The following SESTD1 variants were observed in gnomAD, a reference collection of about 807,000 sequenced individuals.
SESTD1 encodes SEC14 and spectrin domain containing 1, also known as SEC14 domain and spectrin repeat-containing protein 1.
A neutral mutation model predicts 101.7 loss-of-function variants in SESTD1; 43 were observed. The observed-to-expected ratio is 0.42, with a 90% CI of 0.33 to 0.55. The LOEUF (loss-of-function observed/expected upper bound fraction) is 0.55, where lower values mean the gene tolerates loss of function less well. Among genes scored for constraint, SESTD1 ranks in the 20% least tolerant of loss-of-function variants. SESTD1 has a pLI of 0.07. For missense variants in SESTD1, 647 were observed against 815.1 expected (o/e 0.79, Z 2.51); for synonymous variants, 283 against 286.8 (o/e 0.99, Z 0.13).
chr2:179,227,203 G>T (rs1166881418), intron 1 of SESTD1, among the ~76,000 whole-genome samples: 3 of 152,022 alleles, frequency 2.0e-5, no homozygotes, highest in African/African-American at 7.2e-5. Flanking sequence ...TCAAAACTTG[G>T]AAAAAGTCAC....
chr2:179,107,832 T>C lies in SESTD1; in HGVS notation c.*2067A>G, dbSNP rs961913891. On this transcript the variant is annotated 3_prime_UTR_variant, in exon 18 of 18. Coordinates refer to ENST00000428443, the MANE Select transcript of SESTD1 (RefSeq NM_178123.5). The stretch of plus-strand genomic sequence containing the variant: ...AGACATAAACAACTGTAGAATGTGA[T>C]AGCACCATCATGAAGACTGAAATAA... 2.6e-5 allele frequency: 4 copies of C among 151,946 alleles called. No homozygotes were observed. Among genetic ancestry groups the C allele is most frequent in the Admixed American group, 6.5e-5 (1 of 15,268 alleles). The allele number at this position is 151,946 out of a possible 1,614,324, so 9.4% of individuals were successfully genotyped here.
At chr2:179,111,187 T>TTA (rs1559093905) in intron 17 of SESTD1, among the ~76,000 whole-genome samples, 1 of 152,250 alleles carries the variant, frequency 6.6e-6, no homozygotes, top group East Asian at 1.9e-4. Flanking sequence ...TTATTGCAGA[T>TTA]GTGTAATACA....
At chr2:179,128,214 T>C (rs977293715) in intron 10 of SESTD1, among the ~76,000 whole-genome samples, 2 of 152,178 alleles carry the variant, frequency 1.3e-5, no homozygotes, top group African/African-American at 2.4e-5. Context: ...ATTTCCTGGT[T>C]TGAATTTGTA....
At chr2:179,159,335 A>G (rs944863821) in intron 5 of SESTD1, among the ~76,000 whole-genome samples, 2 of 152,236 alleles carry the variant, frequency 1.3e-5, no homozygotes, top group African/African-American at 4.8e-5. Flanking sequence ...CCCAGAGGAC[A>G]AACCAAGTTT....
rs1389349241 is a variant in SESTD1, at chr2:179,121,714, AT to A, written c.1442+55del. 4.9e-6 allele frequency: 7 copies of A among 1,429,386 alleles called. No homozygotes were observed. The African/African-American group carries it at 8.8e-5, about 18-fold the overall frequency. 88.5% of individuals were successfully genotyped at this position (1,429,386 alleles called of 1,614,324 possible). A position where few individuals can be genotyped will look rare whatever the true frequency, so the allele number is the denominator to read the frequency against. On this transcript the variant is annotated intron_variant, in intron 13 of 17. Transcript: ENST00000428443. The stretch of plus-strand genomic sequence containing the variant: ...TGTATATAAAATGTTATATAACTTC[AT>A]TTTAACTAATATTGTTATTATTTTA...
At chr2:179,136,376 A>G (rs1575434642) in intron 9 of SESTD1, among the ~76,000 whole-genome samples, 3 of 152,322 alleles carry the variant, frequency 2.0e-5, no homozygotes, top group South Asian at 2.1e-4. Flanking sequence ...GCATTTTACA[A>G]TAACAACCCT....
intron 1 of SESTD1, among the ~76,000 whole-genome samples, chr2:179,218,327 T>G (rs1220445429): frequency 2.6e-5 from 4 of 151,956 alleles, no homozygotes; most frequent in African/African-American, 9.7e-5. Flanking sequence ...TAAAGCAGGC[T>G]AAGAAATGAA....
chr2:179,156,308 T>C (rs1332055282), intron 5 of SESTD1, among the ~76,000 whole-genome samples: 2 of 152,192 alleles, frequency 1.3e-5, no homozygotes, highest in African/African-American at 2.4e-5. Flanking sequence ...TGTTCAAGTA[T>C]CTTTTTCGTA....
intron 1 of SESTD1, among the ~76,000 whole-genome samples, chr2:179,245,770 T>C (rs1267883715): frequency 6.6e-6 from 1 of 151,388 alleles, no homozygotes; most frequent in East Asian, 1.9e-4. Context: ...GAACAGAAAA[T>C]AAAATGGCAG....
In SESTD1 at chr2:179,154,080, C is replaced by CAAA. The variant is rs748598701; in HGVS notation, c.370-2692_370-2690dup. On this transcript the variant is annotated intron_variant, in intron 5 of 17. Transcript: ENST00000428443. ...GTAATGTAAGAAAACCCAATCTCTA[C>CAAA]AAAAAAAAAAAAAAAAAAGGTGTGT... Among the ~76,000 whole-genome samples the CAAA allele has an allele frequency of 2.4e-3, 146 of 60,740 alleles. 2 individuals are homozygous for CAAA. Among genetic ancestry groups the CAAA allele is most frequent in the African/African-American group, 5.7e-3 (139 of 24,258 alleles). The allele number at this position is 60,740 out of a possible 152,430, so 39.8% of individuals were successfully genotyped here. A position where few individuals can be genotyped will look rare whatever the true frequency, so the allele number is the denominator to read the frequency against.
chr2:179,150,384 T>C (rs951081700), intron 6 of SESTD1, among the ~76,000 whole-genome samples: 1 of 152,086 alleles, frequency 6.6e-6, no homozygotes, highest in Non-Finnish European at 1.5e-5. Context: ...GAGTTGCAGA[T>C]TTCAGAAGTC....
At chr2:179,193,154 GA>G (rs58092815) in intron 1 of SESTD1, among the ~76,000 whole-genome samples, 176 of 150,054 alleles carry the variant, frequency 1.2e-3, no homozygotes, top group Admixed American at 4.4e-3. Context: ...AGATGTTGAG[GA>G]AAAAAAAAGA....
At chr2:179,139,499 T>G (rs1166383682) in intron 9 of SESTD1, among the ~76,000 whole-genome samples, 1 of 152,256 alleles carries the variant, frequency 6.6e-6, no homozygotes, top group Admixed American at 6.5e-5. Context: ...TTTCACCTGC[T>G]TCCTCATAGT....
intron 2 of SESTD1, among the ~76,000 whole-genome samples, chr2:179,191,153 T>C (rs577071639): frequency 3.9e-5 from 6 of 152,270 alleles, no homozygotes; most frequent in East Asian, 3.9e-4. Flanking sequence ...CTATTTATAA[T>C]AGCAAAGACA....
Position 179,207,559 on chromosome 2 carries a change from A to T in SESTD1, c.-25-15693T>A, listed in dbSNP as rs1236604684. On this transcript the variant is annotated intron_variant, in intron 1 of 17. Transcript: ENST00000428443. ...GAGACCTAAAGACAGATGACATCAC[A>T]GGACTCTTTGCAGACATTCCCCAGC... is the stretch of plus-strand genomic sequence containing the variant. 3.0e-5 allele frequency among the ~76,000 whole-genome samples: 4 copies of T among 135,136 alleles called. 2 individuals carry two copies. The highest frequency in any genetic ancestry group is 6.4e-5 in the Non-Finnish European group (4 of 62,792). The allele number at this position is 135,136 out of a possible 152,430, so 88.7% of individuals were successfully genotyped here.
chr2:179,192,161 T>C (rs1256455305), intron 1 of SESTD1, among the ~76,000 whole-genome samples: 1 of 152,178 alleles, frequency 6.6e-6, no homozygotes, highest in Non-Finnish European at 1.5e-5. Context: ...TGGTTGAGAA[T>C]CACTGGCTTA....
chr2:179,124,199 T>C (rs1373353119), intron 11 of SESTD1, among the ~76,000 whole-genome samples, 165 bp downstream of exon 11: 1 of 152,188 alleles, frequency 6.6e-6, no homozygotes, highest in Non-Finnish European at 1.5e-5. Flanking sequence ...AAAAAATACT[T>C]GTTTTTAAAA....
In SESTD1 at chr2:179,102,994, A is replaced by AC. The variant is rs1297159192; in HGVS notation, c.*6904dup. The AC allele has an allele frequency of 6.6e-6, 1 of 151,774 alleles. No homozygotes were observed. Among genetic ancestry groups the AC allele is most frequent in the Non-Finnish European group, 1.5e-5 (1 of 67,928 alleles). The allele number at this position is 151,774 out of a possible 1,614,324, so 9.4% of individuals were successfully genotyped here. A position where few individuals can be genotyped will look rare whatever the true frequency, so the allele number is the denominator to read the frequency against. On this transcript the variant is annotated 3_prime_UTR_variant, in exon 18 of 18. Coordinates refer to ENST00000428443, the MANE Select transcript of SESTD1 (RefSeq NM_178123.5). The stretch of plus-strand genomic sequence containing the variant: ...TTACTAGCAATACATGCTTTCCACT[A>AC]CCCCCTCAACCTCATCACAGAAATA...
intron 17 of SESTD1, among the ~76,000 whole-genome samples, chr2:179,110,953 A>G (rs2044492510): frequency 6.6e-6 from 1 of 152,220 alleles, no homozygotes; most frequent in Non-Finnish European, 1.5e-5. Flanking sequence ...TTATCTTAAA[A>G]GGATGGATGA....
Sources: allele counts gnomAD v4.1 joint callset (sites outside exome capture counted in the v4.1 genomes callset), GRCh38; gene constraint gnomAD v4.1.1; transcripts MANE v1.5; gene names NCBI Gene and HGNC (gene_info 2026-07-23, HGNC 2026-07-21).